NCKAP5L: variants seen among roughly 807,000 people sequenced by gnomAD.
NCKAP5L encodes NCK associated protein 5 like, also known as nck-associated protein 5-like.
In NCKAP5L, 54 loss-of-function variants were observed where a neutral mutation model predicts 103.2. The observed-to-expected ratio is 0.52, with a 90% CI of 0.42 to 0.66. The LOEUF is 0.66. Among genes scored for constraint, NCKAP5L ranks in the 30% least tolerant of loss-of-function variants. The pLI is 0.00. For synonymous variants in NCKAP5L, 762 were observed against 748.6 expected (o/e 1.02, Z -0.29); for missense variants, 1,733 against 1,750.6 (o/e 0.99, Z 0.18).
At chr12:49,819,307 G>A (rs551118113) in intron 1 of NCKAP5L, among the ~76,000 whole-genome samples, 48 of 125,282 alleles carry the variant, frequency 3.8e-4, no homozygotes, top group South Asian at 1.1e-3. Flanking sequence ...GCAAGACTCC[G>A]CTTCAAAAAA....
At position 49,803,067 on chromosome 12, in the gene NCKAP5L, TC is replaced by T. The variant is rs752038145; in HGVS notation, c.192+29del. 6 of 1,614,090 alleles carry T rather than the reference TC, an allele frequency of 3.7e-6. No individual in the cohort carries two copies. In the South Asian group the frequency reaches 5.5e-5, roughly 15 times the overall value. On this transcript the variant is annotated intron_variant, in intron 4 of 12. Coordinates refer to ENST00000335999, the MANE Select transcript of NCKAP5L (RefSeq NM_001037806.4). The stretch of plus-strand genomic sequence containing the variant: ...TTCTGCCAGGAGCAGATGAGCCACA[TC>T]CCCCCAGTCCCACTACAGACCCACA...
chr12:49,801,692 C>A (rs948897397), intron 6 of NCKAP5L, among the ~76,000 whole-genome samples, 156 bp downstream of exon 6: 7 of 152,176 alleles, frequency 4.6e-5, no homozygotes, highest in African/African-American at 1.7e-4. Context: ...AACGGCCAAA[C>A]CCAGGGGACT....
Position 49,801,936 on chromosome 12 carries a change from T to C in NCKAP5L, c.263A>G (p.Lys88Arg), listed in dbSNP as rs1946124415. Residue 88 changes from lysine (K) to arginine (R), a missense_variant, in exon 6 of 13, where the codon AAG becomes AGG. Lys to Arg is a conservative substitution (Grantham distance 26). Coordinates refer to ENST00000335999, the MANE Select transcript of NCKAP5L (RefSeq NM_001037806.4). ...CTGCCGTTCCAGGTCAAACACTCTC[T>C]TCTTCAGCTTGATGCACTCCTCTCG... ...DLREECIKLK[K>R]RVFDLERQNQ... 2 of 1,613,984 alleles carry C rather than the reference T, an allele frequency of 1.2e-6. No homozygotes were observed. Among genetic ancestry groups the C allele is most frequent in the South Asian group, 2.2e-5 (2 of 91,090 alleles).
In NCKAP5L at chr12:49,793,761, A is replaced by T; in HGVS notation, c.3231T>A (p.Leu1077=). Residue 1077 remains leucine, a synonymous_variant, in exon 9 of 13, where the codon CTT becomes CTA. Transcript: ENST00000335999. ...TTCCAGGAGGTTTTCCGCAGCCCTG[A>T]AGAGGGCCCACCAGGCCATTCCGGG... ...CGPRNGLVGP[L]QGCGKPPGKP... The T allele has an allele frequency of 6.3e-7, 1 of 1,591,920 alleles. No individual in the cohort carries two copies. The highest frequency in any genetic ancestry group is 8.6e-7 in the Non-Finnish European group (1 of 1,169,576).
chr12:49,810,189 G>A (rs1946224224), intron 1 of NCKAP5L, among the ~76,000 whole-genome samples: 1 of 120,864 alleles, frequency 8.3e-6, no homozygotes. Flanking sequence ...TGGGGGGAGG[G>A]AAGGGGGTGG....
rs1456396349 is a variant in NCKAP5L, at chr12:49,791,751, G to C, written c.*88C>G. Reference sequence around the variant, plus strand: ...TGCCTCCTTGGTCCCTTCAGGGAGGGGTCCCCGTCTCCGGGGGCTGGGCAT... The same window carrying C: ...TGCCTCCTTGGTCCCTTCAGGGAGGCGTCCCCGTCTCCGGGGGCTGGGCAT... On this transcript the variant is annotated 3_prime_UTR_variant, in exon 13 of 13. Coordinates refer to ENST00000335999, the MANE Select transcript of NCKAP5L (RefSeq NM_001037806.4). 8.1e-7 allele frequency: 1 copy of C among 1,238,286 alleles called. No homozygotes were observed. The highest frequency in any genetic ancestry group is 2.6e-5 in the East Asian group (1 of 38,124). 76.7% of individuals were successfully genotyped at this position (1,238,286 alleles called of 1,614,324 possible).
Position 49,794,795 on chromosome 12 carries a change from G to A in NCKAP5L, c.3065C>T (p.Ala1022Val). Reference sequence around the variant, plus strand: ...TAGCAGCTGCTGCATGAAGGTGTCTGCACCTTGGTACATGCCAGCCAGCTG... The same window carrying A: ...TAGCAGCTGCTGCATGAAGGTGTCTACACCTTGGTACATGCCAGCCAGCTG... ...QGQLAGMYQG[A>V]DTFMQQLLNR... The change falls in exon 8 of 13, where the codon GCA becomes GTA. Residue 1022 changes from alanine (A) to valine (V), a missense_variant. Transcript: ENST00000335999. 3 of 1,541,422 alleles carry A rather than the reference G, an allele frequency of 1.9e-6. No individual in the cohort carries two copies. Among genetic ancestry groups the A allele is most frequent in the South Asian group, 2.4e-5 (2 of 81,724 alleles).
chr12:49,826,080 C>T (rs1025062560), intron 1 of NCKAP5L, among the ~76,000 whole-genome samples: 3 of 132,662 alleles, frequency 2.3e-5, no homozygotes, highest in Non-Finnish European at 3.2e-5. Context: ...TGGATGAGGG[C>T]GGTGGGGAAG....
In NCKAP5L at chr12:49,803,171, G is replaced by T. The variant is rs1290861353; in HGVS notation, c.124-6C>A. The T allele has an allele frequency of 2.3e-5, 37 of 1,614,056 alleles. No individual in the cohort carries two copies. The highest frequency in any genetic ancestry group is 3.1e-5 in the Non-Finnish European group (37 of 1,180,010). On this transcript the variant is annotated splice_region_variant and splice_polypyrimidine_tract_variant and intron_variant, in intron 3 of 12. Transcript: ENST00000335999. ...GCAAGTGCCGAGTTCTCTGCCTGCA[G>T]GAGTGAGGGAGGAAGAGGGCAAAAA... is the stretch of plus-strand genomic sequence containing the variant.
intron 1 of NCKAP5L, among the ~76,000 whole-genome samples, chr12:49,809,947 C>T (rs534622010): frequency 6.6e-6 from 1 of 152,204 alleles, no homozygotes; most frequent in African/African-American, 2.4e-5. Context: ...CTACATCCCC[C>T]CAACTTCCGT....
rs766071376 is a variant in NCKAP5L, at chr12:49,796,206, C to T, written c.1654G>A (p.Val552Met). Residue 552 changes from valine (V) to methionine (M), a missense_variant, in exon 8 of 13, where the codon GTG (valine) becomes ATG (methionine). By Grantham distance (21) the Val-to-Met change is conservative (BLOSUM62 1). Transcript: ENST00000335999. ...AGAATGTTCTCATAGCAGGGAGACA[C>T]CACTGGGCCTGGGGACAGCGTGGTG... ...LSTTLSPGPV[V>M]SPCYENILDL... 1.9e-6 allele frequency: 3 copies of T among 1,597,382 alleles called. No homozygotes were observed. In the Admixed American group the frequency reaches 5.2e-5, roughly 28 times the overall value.
Position 49,803,953 on chromosome 12 carries a change from T to C in NCKAP5L, c.92A>G (p.Gln31Arg), listed in dbSNP as rs576465597. ...DDGSMEPGTC[Q>R]ELLHRLRELE... ...CTCCCGCAGTCGGTGCAGAAGCTCC[T>C]GGCAGGTGCCTGGCTCCATGCTGCC... The change falls in exon 3 of 13, where the codon CAG becomes CGG. Residue 31 changes from glutamine (Q) to arginine (R), a missense_variant. Physicochemically the swap from Gln to Arg is conservative, Grantham distance 43. Transcript: ENST00000335999. 4 of 1,611,042 alleles carry C rather than the reference T, an allele frequency of 2.5e-6. No individual in the cohort carries two copies. The highest frequency in any genetic ancestry group is 4.5e-5 in the East Asian group (2 of 44,878).
rs1946040888 is a variant in NCKAP5L at position 49,796,264 on chromosome 12, G to A, written c.1596C>T (p.Ser532=). The change falls in exon 8 of 13, where the codon TCC becomes TCT. Residue 532 remains serine, a synonymous_variant. Transcript: ENST00000335999. ...CTGACTGCGGGGGTCTGAGCTGTGT[G>A]GAGTCTGGGGTTGTGTAGCAGGGTG... The part of the protein sequence containing the change: ...SPSPCYTTPD[S]TQLRPPQSAL... 1 of 1,559,968 alleles carries A rather than the reference G, an allele frequency of 6.4e-7. No individual in the cohort carries two copies. Among genetic ancestry groups the A allele is most frequent in the South Asian group, 1.2e-5 (1 of 81,538 alleles).
At chr12:49,800,565 C>G (rs1313708252) in intron 6 of NCKAP5L, among the ~76,000 whole-genome samples, 2 of 152,180 alleles carry the variant, frequency 1.3e-5, no homozygotes, top group Admixed American at 6.5e-5. Context: ...GGGCCAAGCG[C>G]GACACATCAT....
rs1946041069 is a variant in NCKAP5L at position 49,796,273 on chromosome 12, G to A, written c.1587C>T (p.Thr529=). The change falls in exon 8 of 13, where the codon ACC becomes ACT. Residue 529 remains threonine, a synonymous_variant. Coordinates refer to ENST00000335999, the MANE Select transcript of NCKAP5L (RefSeq NM_001037806.4). The part of the protein sequence containing the change: ...LPTSPSPCYT[T]PDSTQLRPPQ... ...GGGGTCTGAGCTGTGTGGAGTCTGG[G>A]GTTGTGTAGCAGGGTGAAGGGCTGG... 1.3e-6 allele frequency: 2 copies of A among 1,555,340 alleles called. No homozygotes were observed. Among genetic ancestry groups the A allele is most frequent in the South Asian group, 2.5e-5 (2 of 81,122 alleles).
In NCKAP5L at chr12:49,802,300, G is replaced by A. The variant is rs369982492; in HGVS notation, c.232-333C>T. The A allele has an allele frequency of 1.8e-4, 38 of 214,050 alleles. No homozygotes were observed. The East Asian group carries it at 3.9e-3, about 22-fold the overall frequency. 13.3% of individuals were successfully genotyped at this position (214,050 alleles called of 1,614,324 possible). A position where few individuals can be genotyped will look rare whatever the true frequency, so the allele number is the denominator to read the frequency against. On this transcript the variant is annotated intron_variant, in intron 5 of 12. Transcript: ENST00000335999. ...AGTCTCACTTTGTCGCCAGGCTGGA[G>A]TGCAGTGGTGCAATCTCGGCTCACT...
At position 49,797,135 on chromosome 12, in the gene NCKAP5L, G is replaced by A; in HGVS notation, c.725C>T (p.Pro242Leu). The A allele has an allele frequency of 6.2e-7, 1 of 1,604,696 alleles. No individual in the cohort carries two copies. Among genetic ancestry groups the A allele is most frequent in the East Asian group, 2.2e-5 (1 of 44,600 alleles). ...GTTGCCAGGGCCTAGCAGCAGGCAGGGCGCCCAGGGTGAGGGTTCAGGCTG... is the reference window on the plus strand; with the variant it reads ...GTTGCCAGGGCCTAGCAGCAGGCAGAGCGCCCAGGGTGAGGGTTCAGGCTG... ...PPQPEPSPWAPCLLLGPGNLG... is the reference protein window; with the variant it reads ...PPQPEPSPWALCLLLGPGNLG... Residue 242 changes from proline to leucine, a missense_variant, in exon 8 of 13, where the codon CCC (proline) becomes CTC (leucine). Transcript: ENST00000335999. The surrounding 1 kb of genome is among the most constrained non-coding windows in gnomAD (Gnocchi z 4.5).
At position 49,792,367 on chromosome 12, in the gene NCKAP5L, C is replaced by T. The variant is rs1432238009; in HGVS notation, c.3792+79G>A. 1 of 1,576,106 alleles carries T rather than the reference C, an allele frequency of 6.3e-7. No homozygotes were observed. The highest frequency in any genetic ancestry group is 8.6e-7 in the Non-Finnish European group (1 of 1,161,326). On this transcript the variant is annotated intron_variant, in intron 12 of 12. Coordinates refer to ENST00000335999, the MANE Select transcript of NCKAP5L (RefSeq NM_001037806.4). This position sits in a 1 kb window ranked among gnomAD's most constrained non-coding sequence, Gnocchi z 4.5. ...AGACTGTGCGACACACAGGCCGTAC[C>T]TTACTGGAGAAACTGGTCTCCCCAC...
chr12:49,808,082 ACT>A (rs1215511369), intron 1 of NCKAP5L, among the ~76,000 whole-genome samples: 1 of 152,104 alleles, frequency 6.6e-6, no homozygotes, highest in Non-Finnish European at 1.5e-5. Flanking sequence ...CTGGCTGCGG[ACT>A]CTCTATGTGT....
Sources: gnomAD v4.1 joint callset for allele counts (sites outside exome capture counted in the v4.1 genomes callset) on GRCh38, gnomAD v4.1.1 for gene constraint, Gnocchi (gnomAD v3.1) non-coding constraint, MANE v1.5 for transcripts, NCBI Gene and HGNC (gene_info 2026-07-23, HGNC 2026-07-21) for gene names.